Variants in ARPC4 observed in about 807,000 individuals in gnomAD.
ARPC4 encodes actin related protein 2/3 complex subunit 4, also known as actin-related protein 2/3 complex subunit 4.
In ARPC4, 3 loss-of-function variants were observed where a neutral mutation model predicts 22.8. The observed-to-expected ratio is 0.13, with a 90% CI of 0.06 to 0.34. The LOEUF is 0.34. ARPC4 is among the 10% of genes least tolerant of loss of function. ARPC4 has a pLI of 1.00. For synonymous variants in ARPC4, 80 were observed against 72.5 expected (o/e 1.10, Z -0.52); for missense variants, 98 against 211.0 (o/e 0.46, Z 3.32).
intron 2 of ARPC4, among the ~76,000 whole-genome samples, chr3:9,798,700 C>T (rs1437847700): frequency 6.6e-6 from 1 of 152,072 alleles, no homozygotes; most frequent in African/African-American, 2.4e-5. Flanking sequence ...ATGGTGAAAC[C>T]TTGTCTCTAC....
At position 9,796,789 on chromosome 3, in the gene ARPC4, AAGTT is replaced by A. The variant is rs376638634; in HGVS notation, c.4-867_4-864del. On this transcript the variant is annotated intron_variant, in intron 1 of 5. Transcript: ENST00000397261. ...ACCCTGTCTCTACTAAAAATACAAA[AAGTT>A]AGCCGGGTGTGGTGGTGGGCGCCTG... Among the ~76,000 whole-genome samples, 1,351 of 151,920 alleles carry A rather than the reference AAGTT, an allele frequency of 8.9e-3. 17 individuals carry two copies. The highest frequency in any genetic ancestry group is 0.031 in the African/African-American group (1,290 of 41,420).
At chr3:9,803,717 T>C (rs1280470731) in intron 4 of ARPC4, 126 bp from the exon 5 acceptor site, 1 of 1,112,986 alleles carries the variant, frequency 9.0e-7, no homozygotes, top group Non-Finnish European at 1.3e-6. Flanking sequence ...GGTATGTAGC[T>C]TGGGAGAAGA....
At chr3:9,793,195 G>A (rs1040539375) in intron 1 of ARPC4, 71 bp downstream of exon 1, 13 of 1,509,690 alleles carry the variant, frequency 8.6e-6, no homozygotes, top group Non-Finnish European at 1.2e-5. Context: ...GGTGGGAGAT[G>A]TGGCTTTGCC....
chr3:9,797,853 A>G (rs2078928099), intron 2 of ARPC4, 76 bp downstream of exon 2: 1 of 1,431,140 alleles, frequency 7.0e-7, no homozygotes, highest in South Asian at 1.2e-5. Flanking sequence ...GGTGCCATGA[A>G]CTTATGTCCT....
Position 9,803,829 on chromosome 3 carries a change from G to A in ARPC4, c.331-14G>A. 2 of 1,611,942 alleles carry A rather than the reference G, an allele frequency of 1.2e-6. No homozygotes were observed. The highest frequency in any genetic ancestry group is 1.7e-6 in the Non-Finnish European group (2 of 1,178,258). The stretch of plus-strand genomic sequence containing the variant: ...GTTCCTTCTCTTCCCCCTCCCTACT[G>A]TCTTCTTCCCTAGGGGTATGATATC... On this transcript the variant is annotated splice_polypyrimidine_tract_variant and intron_variant, in intron 4 of 5. Coordinates refer to ENST00000397261, the MANE Select transcript of ARPC4 (RefSeq NM_005718.5).
intron 1 of ARPC4, among the ~76,000 whole-genome samples, chr3:9,796,308 C>T (rs936555630): frequency 1.3e-4 from 20 of 152,118 alleles, no homozygotes; most frequent in African/African-American, 4.6e-4. Context: ...GCAGGAGAAT[C>T]GCTTTAACCC....
intron 2 of ARPC4, chr3:9,798,094 A>G (rs975870474): frequency 1.5e-5 from 3 of 205,972 alleles, no homozygotes; most frequent in African/African-American, 4.8e-5. Context: ...GATAATTGTT[A>G]TCTGAGATTC....
intron 2 of ARPC4, chr3:9,798,137 T>TTTTTC (rs1386367475): frequency 5.7e-6 from 1 of 174,488 alleles, no homozygotes; most frequent in Non-Finnish European, 1.2e-5. Flanking sequence ...TTTTTTTTTT[T>TTTTTC]TCCCATCTCC....
In ARPC4 at chr3:9,793,139, C is replaced by G. The variant is rs752173062; in HGVS notation, c.3+15C>G. 2.6e-6 allele frequency: 4 copies of G among 1,540,332 alleles called. No homozygotes were observed. Among genetic ancestry groups the G allele is most frequent in the Non-Finnish European group, 3.5e-6 (4 of 1,141,750 alleles). On this transcript the variant is annotated intron_variant, in intron 1 of 5. Coordinates refer to ENST00000397261, the MANE Select transcript of ARPC4 (RefSeq NM_005718.5). The stretch of plus-strand genomic sequence containing the variant: ...CGCCCGCGATGGTGAGAGAGCCGGG[C>G]CCCCGGCCAGGGACCCCCGGCTGTT...
At chr3:9,804,191 A>G in intron 5 of ARPC4, 178 bp downstream of exon 5, 1 of 596,068 alleles carries the variant, frequency 1.7e-6, no homozygotes, top group Non-Finnish European at 2.8e-6. Flanking sequence ...CCCCAAGTTC[A>G]TCTCTGAGAG....
At chr3:9,792,636 G>A (rs2078767060), upstream of ARPC4, 9 of 1,231,372 alleles carry the variant, frequency 7.3e-6, no homozygotes, top group Non-Finnish European at 8.1e-6. Flanking sequence ...ACAGCCCGGG[G>A]CGGGAGGCGG....
intron 4 of ARPC4, among the ~76,000 whole-genome samples, chr3:9,802,557 A>G (rs2079033448): frequency 6.6e-6 from 1 of 150,552 alleles, no homozygotes. Context: ...TTGTATTTTT[A>G]GTAGAGACGG....
At chr3:9,800,717 G>T (rs978053244) in intron 3 of ARPC4, among the ~76,000 whole-genome samples, 4 of 152,088 alleles carry the variant, frequency 2.6e-5, no homozygotes, top group African/African-American at 9.7e-5. Context: ...GAGCCACCAT[G>T]CCTGGCCAGT....
intron 2 of ARPC4, among the ~76,000 whole-genome samples, chr3:9,798,462 C>T (rs1184332967): frequency 6.6e-6 from 1 of 152,106 alleles, no homozygotes; most frequent in East Asian, 1.9e-4. Context: ...TGGCACATGC[C>T]TGTAGTCCCA....
At chr3:9,797,613 C>T (rs773538176) in intron 1 of ARPC4, 46 bp from the exon 2 acceptor site, 8 of 1,589,222 alleles carry the variant, frequency 5.0e-6, no homozygotes, top group South Asian at 1.1e-5. Flanking sequence ...GTGGGTTTGG[C>T]GTGACAGATT....
In ARPC4 at chr3:9,801,657, C is replaced by T. The variant is rs2125646654; in HGVS notation, c.235-4C>T. 1.2e-6 allele frequency: 2 copies of T among 1,603,848 alleles called. No individual in the cohort carries two copies. Among genetic ancestry groups the T allele is most frequent in the South Asian group, 1.1e-5 (1 of 89,604 alleles). On this transcript the variant is annotated splice_region_variant and splice_polypyrimidine_tract_variant and intron_variant, in intron 3 of 5. Transcript: ENST00000397261. The stretch of plus-strand genomic sequence containing the variant: ...GAGAAACATTTCTCTCTTGCACTCC[C>T]CAGGCTGATGAGATCGAGAAGATTT...
At chr3:9,802,031 G>C (rs893625306) in intron 4 of ARPC4, among the ~76,000 whole-genome samples, 1 of 152,006 alleles carries the variant, frequency 6.6e-6, no homozygotes, top group East Asian at 1.9e-4. Flanking sequence ...ATGAGGTCAG[G>C]AGTTCAAGAC....
chr3:9,799,704 A>G (rs2078969238), intron 2 of ARPC4, among the ~76,000 whole-genome samples: 1 of 152,196 alleles, frequency 6.6e-6, no homozygotes, highest in South Asian at 2.1e-4. Flanking sequence ...CAGCCTCTCA[A>G]AGTGCTGGGA....
At chr3:9,797,936 A>C (rs552717358) in intron 2 of ARPC4, 159 bp downstream of exon 2, 2 of 767,260 alleles carry the variant, frequency 2.6e-6, no homozygotes, top group East Asian at 2.8e-5. Flanking sequence ...ATTTGGAGTT[A>C]AGAAAATAGG....
Sources: gnomAD v4.1 joint callset for allele counts (sites outside exome capture counted in the v4.1 genomes callset) on GRCh38, gnomAD v4.1.1 for gene constraint, MANE v1.5 for transcripts, NCBI Gene and HGNC (gene_info 2026-07-23, HGNC 2026-07-21) for gene names.